EPM2A: variants seen among roughly 807,000 people sequenced by gnomAD.
EPM2A encodes the protein laforin.
A neutral mutation model predicts 26.5 loss-of-function variants in EPM2A; 21 were observed. The ratio of observed to expected loss-of-function variants is 0.79; its 90% CI spans 0.56 to 1.14. The LOEUF is 1.14. Among genes scored for constraint, EPM2A ranks in the 50% most tolerant of loss-of-function variants. EPM2A has a pLI of 0.00. For missense variants in EPM2A, 458 were observed against 440.8 expected (o/e 1.04, Z -0.35); for synonymous variants, 217 against 177.6 (o/e 1.22, Z -1.76).
In EPM2A at chr6:145,421,227, G is replaced by C. The variant is rs143835343; in HGVS notation, c.556-37130C>G. Reference sequence around the variant, plus strand: ...TACAGTATATGATATGCTGTAAATAGACAGTGAAGGACTAAACAAGAAGAA... The same window carrying C: ...TACAGTATATGATATGCTGTAAATACACAGTGAAGGACTAAACAAGAAGAA... On this transcript the variant is annotated intron_variant, in intron 4 of 4. Coordinates refer to the EPM2A transcript ENST00000638717. Among the ~76,000 whole-genome samples the C allele has an allele frequency of 7.2e-5, 11 of 152,178 alleles. No homozygotes were observed. In the East Asian group the frequency reaches 2.1e-3, roughly 29 times the overall value.
In EPM2A at chr6:145,605,471, T is replaced by C. The variant is rs372257870; in HGVS notation, c.340+29774A>G. 4.3e-3 allele frequency among the ~76,000 whole-genome samples: 653 copies of C among 152,260 alleles called. 5 individuals are homozygous for C. Among genetic ancestry groups the C allele is most frequent in the African/African-American group, 0.014 (564 of 41,560 alleles). On this transcript the variant is annotated intron_variant, in intron 2 of 3. Transcript: ENST00000450221. ...CCAAGCTTAGGCTGTTCCATTATCC[T>C]TCTCTCTTGTCTGAAACAGAGCTAC... is the stretch of plus-strand genomic sequence containing the variant.
chr6:145,574,042 A>G (rs1780996109), intron 2 of EPM2A, among the ~76,000 whole-genome samples: 2 of 152,112 alleles, frequency 1.3e-5, no homozygotes, highest in African/African-American at 4.8e-5. Context: ...TACGGGAGAA[A>G]GACTCACTGC....
intron 2 of EPM2A, among the ~76,000 whole-genome samples, chr6:145,606,936 G>T (rs535367278): frequency 3.3e-5 from 5 of 152,200 alleles, no homozygotes; most frequent in African/African-American, 7.2e-5. Context: ...CTATATTAAA[G>T]AAAAATTAAA....
At chr6:145,628,832 A>G (rs930748178) in intron 3 of EPM2A, 2 of 152,238 alleles carry the variant, frequency 1.3e-5, no homozygotes, top group Non-Finnish European at 2.9e-5. Flanking sequence ...AGCCACTCCC[A>G]TGTTTAGACT....
intron 2 of EPM2A, among the ~76,000 whole-genome samples, chr6:145,554,766 A>C (rs1170621659): frequency 5.9e-5 from 9 of 152,158 alleles, no homozygotes; most frequent in Non-Finnish European, 1.3e-4. Flanking sequence ...TTACCTTCCT[A>C]AGGCATCACC....
chr6:145,404,762 A>G (rs1462375994), intron 4 of EPM2A, among the ~76,000 whole-genome samples: 1 of 152,084 alleles, frequency 6.6e-6, no homozygotes, highest in Non-Finnish European at 1.5e-5. Flanking sequence ...TGCAGTCACA[A>G]TTTGCTTTGG....
chr6:145,620,820 C>G (rs937024486), downstream of EPM2A, among the ~76,000 whole-genome samples: 2 of 152,110 alleles, frequency 1.3e-5, no homozygotes, highest in Non-Finnish European at 2.9e-5. Flanking sequence ...ATTTTTTCAG[C>G]CTTATTGAGG....
At chr6:145,617,637 T>C (rs1775544425) in intron 2 of EPM2A, among the ~76,000 whole-genome samples, 1 of 152,208 alleles carries the variant, frequency 6.6e-6, no homozygotes, top group Non-Finnish European at 1.5e-5. Context: ...TTCTCTTAGA[T>C]TGAAATATAC....
At chr6:145,520,256 T>C (rs1016416944) in intron 2 of EPM2A, among the ~76,000 whole-genome samples, 21 of 152,228 alleles carry the variant, frequency 1.4e-4, no homozygotes, top group Admixed American at 1.2e-3. Context: ...TTCTGCCTGT[T>C]GCATCTGCCT....
intron 1 of EPM2A, among the ~76,000 whole-genome samples, chr6:145,728,902 G>C (rs1297450488): frequency 6.6e-6 from 1 of 152,126 alleles, no homozygotes; most frequent in Non-Finnish European, 1.5e-5. Context: ...GCCTAGGAGG[G>C]AAAAATAGTT....
chr6:145,611,721 T>G (rs1775396000), intron 2 of EPM2A, among the ~76,000 whole-genome samples: 1 of 152,164 alleles, frequency 6.6e-6, no homozygotes, highest in African/African-American at 2.4e-5. Flanking sequence ...AAGTTTTATT[T>G]ATTACTTTCT....
intron 1 of EPM2A, among the ~76,000 whole-genome samples, chr6:145,720,558 A>G (rs1255998844): frequency 6.6e-6 from 1 of 152,110 alleles, no homozygotes; most frequent in Non-Finnish European, 1.5e-5. Flanking sequence ...TGACCCCCAA[A>G]TATTGTTTTC....
intron 2 of EPM2A, among the ~76,000 whole-genome samples, chr6:145,668,190 C>T: frequency 6.6e-6 from 1 of 151,656 alleles, no homozygotes; most frequent in Non-Finnish European, 1.5e-5. Context: ...ATAATAATTG[C>T]CTCAGTAAAG....
chr6:145,567,657 T>C lies in EPM2A; in HGVS notation c.341-65082A>G, dbSNP rs190564438. On this transcript the variant is annotated intron_variant, in intron 2 of 3. Transcript: ENST00000450221. The stretch of plus-strand genomic sequence containing the variant: ...ACACATGGAATTTAGTGGATGCTAA[T>C]TGTATCTGTGAAACTCTTTCCCCAA... 2.0e-4 allele frequency among the ~76,000 whole-genome samples: 31 copies of C among 152,320 alleles called. No homozygotes were observed. In the East Asian group the frequency reaches 5.8e-3, roughly 28 times the overall value.
At chr6:145,568,938 A>G (rs112815795) in intron 2 of EPM2A, among the ~76,000 whole-genome samples, 224 of 152,322 alleles carry the variant, frequency 1.5e-3, no homozygotes, top group African/African-American at 5.1e-3. Context: ...TGGTGCCCAG[A>G]CTATAAATGA....
chr6:145,683,268 G>GGGGTGTGTGT (rs955430424), intron 2 of EPM2A, among the ~76,000 whole-genome samples: 2 of 134,010 alleles, frequency 1.5e-5, no homozygotes, highest in Admixed American at 1.6e-4. Flanking sequence ...CCCAGGATTT[G>GGGGTGTGTGT]GTGTGTGTGT....
chr6:145,491,145 T>G (rs140061561), intron 4 of EPM2A: 1 of 550,088 alleles, frequency 1.8e-6, no homozygotes, highest in African/African-American at 1.9e-5. Flanking sequence ...CTAATGGAGC[T>G]GAGTTTTCTT....
intron 2 of EPM2A, chr6:145,682,774 G>T (rs1780638160): frequency 6.6e-6 from 1 of 151,926 alleles, no homozygotes; most frequent in Admixed American, 6.6e-5. Flanking sequence ...CCTTATAAAG[G>T]ATATTGGCAA....
Position 145,686,611 on chromosome 6 carries a change from A to G in EPM2A, c.302-315T>C, listed in dbSNP as rs553507939. Among the ~76,000 whole-genome samples, 3 of 152,292 alleles carry G rather than the reference A, an allele frequency of 2.0e-5. No individual in the cohort carries two copies. In the East Asian group the frequency reaches 5.8e-4, roughly 29 times the overall value. On this transcript the variant is annotated intron_variant, in intron 1 of 3. Coordinates refer to ENST00000367519, the MANE Select transcript of EPM2A (RefSeq NM_005670.4). ...TTATGAATCACTTTGCAGCCTGAGA[A>G]GCTCCTAAAAAAAGTTTTTAAAGCT... is the stretch of plus-strand genomic sequence containing the variant.
Sources: gnomAD v4.1 joint callset for allele counts (sites outside exome capture counted in the v4.1 genomes callset) on GRCh38, gnomAD v4.1.1 for gene constraint, MANE v1.5 for transcripts, NCBI Gene and HGNC (gene_info 2026-07-23, HGNC 2026-07-21) for gene names.